Variants in PBX4 observed in about 807,000 individuals in gnomAD.
PBX4 encodes the protein pre-B-cell leukemia transcription factor 4.
PBX4 carries 26 observed loss-of-function variants against 35.1 expected under a neutral mutation model. That is an observed-to-expected ratio of 0.74 (90% confidence interval 0.54 to 1.03). The LOEUF (loss-of-function observed/expected upper bound fraction) is 1.03. PBX4 is among the 50% of genes least tolerant of loss of function. The pLI is 0.00. For missense variants in PBX4, 448 were observed against 504.3 expected, an observed-to-expected ratio of 0.89 and a Z score of 1.07; for synonymous variants, 199 against 204.2, an observed-to-expected ratio of 0.97 and a Z score of 0.22.
chr19:19,606,518 T>C (rs1191933889), intron 1 of PBX4: 1 of 152,278 alleles, frequency 6.6e-6, no homozygotes, highest in Non-Finnish European at 1.5e-5. Context: ...CCCAGAATCC[T>C]GACCCAAGGA....
chr19:19,575,084 ATAAT>A (rs1295747756), intron 2 of PBX4, among the ~76,000 whole-genome samples: 1 of 152,004 alleles, frequency 6.6e-6, no homozygotes, highest in Non-Finnish European at 1.5e-5. Context: ...TACAAAAAAA[ATAAT>A]TAGCCAGGCG....
At chr19:19,614,871 A>C (rs1257739437) in intron 1 of PBX4, among the ~76,000 whole-genome samples, 5 of 151,956 alleles carry the variant, frequency 3.3e-5, no homozygotes, top group Non-Finnish European at 7.4e-5. Flanking sequence ...AAAAAATAGA[A>C]AGATTAGTCC....
chr19:19,607,884 TG>T (rs1461160035), intron 1 of PBX4, among the ~76,000 whole-genome samples: 1 of 152,210 alleles, frequency 6.6e-6, no homozygotes, highest in African/African-American at 2.4e-5. Context: ...AAAGTCTTCC[TG>T]AAAGCAACAA....
chr19:19,615,393 A>G (rs1287266249), intron 1 of PBX4, among the ~76,000 whole-genome samples: 2 of 151,940 alleles, frequency 1.3e-5, no homozygotes, highest in African/African-American at 2.4e-5. Flanking sequence ...AAGGACTCTA[A>G]TTTCTCAAAC....
chr19:19,588,059 G>T, intron 2 of PBX4: 1 of 685,912 alleles, frequency 1.5e-6, no homozygotes, highest in South Asian at 1.6e-5. Flanking sequence ...CTTGATGTGG[G>T]GCGGTGGGGA....
chr19:19,594,096 A>AT (rs2061545014), intron 2 of PBX4, among the ~76,000 whole-genome samples: 1 of 148,598 alleles, frequency 6.7e-6, no homozygotes. Context: ...AAAAAAAAAA[A>AT]AAATAAAAAA....
chr19:19,608,666 G>T (rs972654217), intron 1 of PBX4: 2 of 152,238 alleles, frequency 1.3e-5, no homozygotes, highest in Non-Finnish European at 2.9e-5. Context: ...CATGCTCCAC[G>T]CCTGCCTTGC....
chr19:19,571,197 G>A (rs1344566065), intron 2 of PBX4, among the ~76,000 whole-genome samples: 3 of 152,174 alleles, frequency 2.0e-5, no homozygotes, highest in Non-Finnish European at 4.4e-5. Flanking sequence ...GGGGAAGAGG[G>A]GGCACCCAAG....
intron 2 of PBX4, among the ~76,000 whole-genome samples, chr19:19,598,000 G>A (rs968840826): frequency 2.0e-5 from 3 of 152,132 alleles, no homozygotes; most frequent in Admixed American, 6.6e-5. Context: ...ATGACTGAGC[G>A]CTTCTTAAAA....
At chr19:19,609,632 C>T (rs1029939655) in intron 1 of PBX4, among the ~76,000 whole-genome samples, 10 of 150,848 alleles carry the variant, frequency 6.6e-5, no homozygotes, top group African/African-American at 2.4e-4. Flanking sequence ...GGGCAGATCA[C>T]GAGCTCAGGA....
intron 1 of PBX4, among the ~76,000 whole-genome samples, chr19:19,601,241 G>A (rs1401622968): frequency 6.6e-6 from 1 of 152,212 alleles, no homozygotes; most frequent in East Asian, 1.9e-4. Context: ...GAAAAGGACT[G>A]GAGAGAGGTA....
At chr19:19,567,081 G>A (rs1223012098) in intron 5 of PBX4, among the ~76,000 whole-genome samples, 1 of 152,202 alleles carries the variant, frequency 6.6e-6, no homozygotes, top group Non-Finnish European at 1.5e-5. Context: ...TGTGCTCTCT[G>A]TTCCAAACAT....
At chr19:19,564,510 G>A (rs979100307) in intron 6 of PBX4, among the ~76,000 whole-genome samples, 1 of 152,010 alleles carries the variant, frequency 6.6e-6, no homozygotes, top group Non-Finnish European at 1.5e-5. Context: ...TGATCCGCCC[G>A]CCTCGGCCTG....
At chr19:19,570,075 G>A (rs2061371202) in intron 4 of PBX4, 34 bp downstream of exon 4, 2 of 1,542,654 alleles carry the variant, frequency 1.3e-6, no homozygotes, top group African/African-American at 1.4e-5. Context: ...CTCAGAGCCG[G>A]CCCTTGAGGT....
At chr19:19,595,320 G>C (rs763846860) in intron 2 of PBX4, among the ~76,000 whole-genome samples, 12 of 152,154 alleles carry the variant, frequency 7.9e-5, no homozygotes, top group Non-Finnish European at 1.8e-4. Context: ...GATACACATT[G>C]GCTGTGTCCT....
chr19:19,615,537 C>A (rs1351990125), intron 1 of PBX4, among the ~76,000 whole-genome samples: 1 of 152,140 alleles, frequency 6.6e-6, no homozygotes, highest in Non-Finnish European at 1.5e-5. Flanking sequence ...ATGCCAGAAC[C>A]CAGTTCAGTA....
At chr19:19,582,153 A>C (rs1327211628) in intron 2 of PBX4, among the ~76,000 whole-genome samples, 1 of 151,280 alleles carries the variant, frequency 6.6e-6, no homozygotes. Context: ...GCTGCTGCAC[A>C]CTCCTCTCAC....
intron 1 of PBX4, among the ~76,000 whole-genome samples, chr19:19,611,966 G>A (rs1391559598): frequency 1.3e-5 from 2 of 151,844 alleles, no homozygotes; most frequent in Non-Finnish European, 2.9e-5. Context: ...GTGAGACTCT[G>A]TATCTACAAA....
chr19:19,605,749 C>T (rs73004966), intron 1 of PBX4, among the ~76,000 whole-genome samples: 15,557 of 151,238 alleles, frequency 0.1, 913 homozygotes, highest in African/African-American at 0.16. Flanking sequence ...GGATTACAGG[C>T]GTGAGCCTTG....
Sources: gnomAD v4.1 joint callset for allele counts (sites outside exome capture counted in the v4.1 genomes callset) on GRCh38, gnomAD v4.1.1 for gene constraint, MANE v1.5 for transcripts, NCBI Gene and HGNC (gene_info 2026-07-23, HGNC 2026-07-21) for gene names.